The following CNBD1 variants were observed in gnomAD, a reference collection of about 807,000 sequenced individuals.
CNBD1 encodes cyclic nucleotide binding domain containing 1, also known as cyclic nucleotide-binding domain-containing protein 1.
Under a neutral mutation model 54.4 loss-of-function variants are expected in CNBD1, and 71 were observed. That is an observed-to-expected ratio of 1.30 (90% CI 1.08 to 1.59). The LOEUF is 1.59. CNBD1 is among the 40% of genes most tolerant of loss of function. The pLI, the probability that CNBD1 is intolerant of heterozygous loss-of-function variation, is 0.00. For synonymous variants in CNBD1, 182 were observed against 170.7 expected, an observed-to-expected ratio of 1.07 and a Z score of -0.51; for missense variants, 659 against 518.0, an observed-to-expected ratio of 1.27 and a Z score of -2.64.
chr8:87,376,811 G>T (rs1246658706), intron 10 of CNBD1, among the ~76,000 whole-genome samples: 4 of 151,678 alleles, frequency 2.6e-5, no homozygotes, highest in African/African-American at 9.7e-5. Context: ...TGTAAGTATT[G>T]GAGCCAGAAT....
chr8:86,931,822 T>C (rs1809462741), intron 3 of CNBD1, among the ~76,000 whole-genome samples: 2 of 152,150 alleles, frequency 1.3e-5, no homozygotes, highest in Non-Finnish European at 2.9e-5. Flanking sequence ...CAGGGGAGTA[T>C]ATTTTCTTAA....
chr8:87,361,562 G>C (rs1260034741), intron 10 of CNBD1, among the ~76,000 whole-genome samples: 1 of 151,480 alleles, frequency 6.6e-6, no homozygotes, highest in East Asian at 1.9e-4. Context: ...TTTTAGGAAG[G>C]GAAAATCCTC....
chr8:87,287,419 T>A (rs1235650449), intron 8 of CNBD1, among the ~76,000 whole-genome samples: 1 of 152,160 alleles, frequency 6.6e-6, no homozygotes, highest in Non-Finnish European at 1.5e-5. Flanking sequence ...ACCTCGACTC[T>A]CTTTCCTCAC....
intron 4 of CNBD1, among the ~76,000 whole-genome samples, chr8:87,048,783 C>T (rs545132140): frequency 1.4e-4 from 22 of 152,288 alleles, no homozygotes; most frequent in Non-Finnish European, 2.5e-4. Context: ...CAGATAACTT[C>T]CTATCCTTTG....
chr8:87,273,291 A>T (rs1025997294), intron 6 of CNBD1, among the ~76,000 whole-genome samples: 1 of 151,960 alleles, frequency 6.6e-6, no homozygotes, highest in Non-Finnish European at 1.5e-5. Flanking sequence ...ATTCATGAAA[A>T]TGCTGAATCA....
Position 87,255,991 on chromosome 8 carries a change from ATATATATATATATATATATATATATTTTT to A in CNBD1, c.771+18881_771+18909del, listed in dbSNP as rs1563525954. ...GCTACAAATATATATATATATATAT[ATATATATATATATATATATATATATTTTT>A]TTTTTTTTTTTTTTTTTTTTGAGAC... On this transcript the variant is annotated intron_variant, in intron 6 of 10. Coordinates refer to ENST00000518476, the MANE Select transcript of CNBD1 (RefSeq NM_173538.3). 6.1e-4 allele frequency among the ~76,000 whole-genome samples: 7 copies of A among 11,544 alleles called. 1 individual carries two copies. The highest frequency in any genetic ancestry group is 5.4e-3 in the South Asian group (2 of 370). The allele number at this position is 11,544 out of a possible 152,430, so 7.6% of individuals were successfully genotyped here. A position where few individuals can be genotyped will look rare whatever the true frequency, so the allele number is the denominator to read the frequency against.
At chr8:87,299,339 C>T (rs536498663) in intron 8 of CNBD1, among the ~76,000 whole-genome samples, 9 of 152,032 alleles carry the variant, frequency 5.9e-5, no homozygotes, top group Admixed American at 1.3e-4. Flanking sequence ...GATCACAATG[C>T]GGTTTGTAGA....
chr8:87,388,796 A>C (rs547280112), intron 2 of CNBD1, among the ~76,000 whole-genome samples: 2 of 152,224 alleles, frequency 1.3e-5, no homozygotes, highest in South Asian at 4.1e-4. Context: ...GAGACACAAC[A>C]AAAAAAGACA....
At chr8:87,327,829 C>A (rs890540816) in intron 8 of CNBD1, among the ~76,000 whole-genome samples, 2 of 152,118 alleles carry the variant, frequency 1.3e-5, no homozygotes, top group African/African-American at 2.4e-5. Context: ...GCTCCTCCCC[C>A]TTTTCTTAGG....
At chr8:87,355,176 C>T (rs1033612636) in intron 10 of CNBD1, among the ~76,000 whole-genome samples, 9 of 152,228 alleles carry the variant, frequency 5.9e-5, no homozygotes, top group African/African-American at 1.9e-4. Context: ...CTATACACTG[C>T]CCCTTTTATA....
chr8:86,959,415 G>T (rs1807870450), intron 4 of CNBD1, among the ~76,000 whole-genome samples: 1 of 152,194 alleles, frequency 6.6e-6, no homozygotes, highest in South Asian at 2.1e-4. Flanking sequence ...GGTTGAGGAA[G>T]TTCTCCTCAA....
chr8:86,927,276 G>A (rs189458810), intron 3 of CNBD1, among the ~76,000 whole-genome samples: 201 of 152,242 alleles, frequency 1.3e-3, no homozygotes, highest in Non-Finnish European at 2.0e-3. Context: ...CCATTCAAGA[G>A]AGTAACTGAA....
rs1396416430 is a variant in CNBD1, at chr8:86,894,307, C to T, written c.158+6696C>T. On this transcript the variant is annotated intron_variant, in intron 2 of 10. Coordinates refer to ENST00000518476, the MANE Select transcript of CNBD1 (RefSeq NM_173538.3). Reference sequence around the variant, plus strand: ...CGATCTCCTGACCTCATGATCCACCCGCCTCGGCCTCCCGAAGTGCTGGGA... The same window carrying T: ...CGATCTCCTGACCTCATGATCCACCTGCCTCGGCCTCCCGAAGTGCTGGGA... 5.3e-5 allele frequency among the ~76,000 whole-genome samples: 8 copies of T among 150,704 alleles called. No homozygotes were observed. In the East Asian group the frequency reaches 9.8e-4, roughly 18 times the overall value.
intron 8 of CNBD1, among the ~76,000 whole-genome samples, chr8:87,335,783 C>T (rs1809933830): frequency 1.3e-5 from 2 of 152,160 alleles, no homozygotes; most frequent in South Asian, 2.1e-4. Context: ...CTAGTAGATG[C>T]AGTTTCTTCA....
At chr8:87,133,740 T>C (rs1037041424) in intron 4 of CNBD1, among the ~76,000 whole-genome samples, 11 of 144,224 alleles carry the variant, frequency 7.6e-5, no homozygotes, top group African/African-American at 2.5e-4. Context: ...GATTTAAAAT[T>C]TTTTTTATGA....
intron 4 of CNBD1, among the ~76,000 whole-genome samples, chr8:87,076,546 G>A (rs985913581): frequency 2.0e-5 from 3 of 151,876 alleles, no homozygotes; most frequent in African/African-American, 4.8e-5. Context: ...GGGTTCAAGC[G>A]ATTCTCCTGC....
chr8:87,265,898 T>C (rs1563530251), intron 6 of CNBD1, among the ~76,000 whole-genome samples: 2 of 152,124 alleles, frequency 1.3e-5, no homozygotes, highest in African/African-American at 2.4e-5. Flanking sequence ...TGTAAACACA[T>C]TGTTGATTTG....
chr8:86,889,713 A>G (rs1808736844), intron 2 of CNBD1, among the ~76,000 whole-genome samples: 2 of 152,274 alleles, frequency 1.3e-5, no homozygotes, highest in Non-Finnish European at 2.9e-5. Flanking sequence ...TTTTGAGTGC[A>G]AATTTTTCAT....
intron 4 of CNBD1, among the ~76,000 whole-genome samples, chr8:87,183,571 A>G (rs1478466782): frequency 6.6e-6 from 1 of 151,246 alleles, no homozygotes; most frequent in Non-Finnish European, 1.5e-5. Context: ...ATTGCTGGGG[A>G]GCTAATGTGG....
Sources: allele counts gnomAD v4.1 joint callset (sites outside exome capture counted in the v4.1 genomes callset), GRCh38; gene constraint gnomAD v4.1.1; transcripts MANE v1.5; gene names NCBI Gene and HGNC (gene_info 2026-07-23, HGNC 2026-07-21).